Variants in RAPH1 observed in about 807,000 individuals in gnomAD.
The protein encoded by RAPH1 is Ras association (RalGDS/AF-6) and pleckstrin homology domains 1.
In RAPH1, 18 loss-of-function variants were observed where a neutral mutation model predicts 88.1. The observed-to-expected ratio is 0.20, with a 90% CI of 0.14 to 0.30. The LOEUF (loss-of-function observed/expected upper bound fraction) is 0.30, where lower values mean the gene tolerates loss of function less well. Ranked by LOEUF, RAPH1 falls within the 10% of genes least tolerant of loss-of-function variation. The pLI, the probability that RAPH1 is intolerant of heterozygous loss-of-function variation, is 1.00. For missense variants in RAPH1, 1,448 were observed against 1,543.2 expected, an observed-to-expected ratio of 0.94 and a Z score of 1.03; for synonymous variants, 587 against 559.0, an observed-to-expected ratio of 1.05 and a Z score of -0.71.
chr2:203,450,314 A>C (rs910401408), intron 10 of RAPH1, among the ~76,000 whole-genome samples: 1 of 152,134 alleles, frequency 6.6e-6, no homozygotes, highest in Middle Eastern at 3.2e-3. Context: ...ACCAAAACCA[A>C]TTTTCTTGTT....
intron 8 of RAPH1, among the ~76,000 whole-genome samples, chr2:203,456,815 C>A (rs2098519952): frequency 6.6e-6 from 1 of 151,834 alleles, no homozygotes; most frequent in South Asian, 2.1e-4. Flanking sequence ...TTATATTTTT[C>A]CAAAAAATGA....
chr2:203,505,323 G>C (rs1688937025), intron 1 of RAPH1, among the ~76,000 whole-genome samples: 1 of 152,126 alleles, frequency 6.6e-6, no homozygotes, highest in Non-Finnish European at 1.5e-5. Context: ...CATGGCGGTG[G>C]CAAGAGAAAA....
chr2:203,522,853 G>A (rs1267326257), intron 1 of RAPH1, among the ~76,000 whole-genome samples: 1 of 132,748 alleles, frequency 7.5e-6, no homozygotes, highest in Non-Finnish European at 1.5e-5. Flanking sequence ...CTGAGATCAC[G>A]TTACTGCACT....
At chr2:203,442,932 C>T (rs146580669) in intron 13 of RAPH1, 71 of 152,246 alleles carry the variant, frequency 4.7e-4, no homozygotes, top group African/African-American at 1.6e-3. Context: ...TGTAAACCAA[C>T]TTCTTTAGTA....
chr2:203,475,627 A>G (rs1231242703), intron 4 of RAPH1, among the ~76,000 whole-genome samples: 2 of 151,924 alleles, frequency 1.3e-5, no homozygotes, highest in Admixed American at 6.6e-5. Flanking sequence ...CCCTACTTCA[A>G]TTAAGATTAT....
intron 1 of RAPH1, among the ~76,000 whole-genome samples, chr2:203,533,139 C>T (rs149688325): frequency 7.8e-4 from 119 of 152,256 alleles, no homozygotes; most frequent in African/African-American, 2.4e-3. Flanking sequence ...AAAACACACC[C>T]AATAGTGCCC....
chr2:203,455,998 G>C (rs2098519115), intron 8 of RAPH1, among the ~76,000 whole-genome samples: 2 of 152,154 alleles, frequency 1.3e-5, no homozygotes, highest in South Asian at 4.2e-4. Context: ...AACAGAGCGA[G>C]ACTCTGTCTC....
chr2:203,498,697 A>G (rs1688617155), intron 1 of RAPH1, among the ~76,000 whole-genome samples: 1 of 152,230 alleles, frequency 6.6e-6, no homozygotes, highest in Non-Finnish European at 1.5e-5. Flanking sequence ...TTCTGAGAAC[A>G]GAGTGTAACT....
intron 1 of RAPH1, among the ~76,000 whole-genome samples, chr2:203,525,586 T>C (rs931376346): frequency 1.3e-5 from 2 of 151,918 alleles, no homozygotes; most frequent in Non-Finnish European, 2.9e-5. Context: ...CTGGCCAACA[T>C]GGTAAAACCC....
chr2:203,461,097 C>T (rs2098523866), intron 6 of RAPH1, 152 bp downstream of exon 6: 1 of 260,204 alleles, frequency 3.8e-6, no homozygotes, highest in Non-Finnish European at 6.7e-6. Context: ...GTCTAGGTGA[C>T]AGAGCGAGAC....
intron 8 of RAPH1, among the ~76,000 whole-genome samples, chr2:203,457,099 GCTT>G (rs1488978499): frequency 2.0e-5 from 3 of 151,790 alleles, no homozygotes; most frequent in African/African-American, 7.3e-5. Flanking sequence ...GAATACACAG[GCTT>G]CTTTAATTAA....
chr2:203,524,394 C>T (rs1559505549), intron 1 of RAPH1, among the ~76,000 whole-genome samples: 1 of 152,104 alleles, frequency 6.6e-6, no homozygotes. Flanking sequence ...AATACACCTA[C>T]CCTATAACCC....
At chr2:203,469,593 C>G (rs1023610500) in intron 4 of RAPH1, among the ~76,000 whole-genome samples, 2 of 152,210 alleles carry the variant, frequency 1.3e-5, no homozygotes, top group East Asian at 3.9e-4. Context: ...GAAATAAAAA[C>G]ATGACTTAAA....
chr2:203,502,473 A>T (rs1268566381), intron 1 of RAPH1, among the ~76,000 whole-genome samples: 1 of 152,210 alleles, frequency 6.6e-6, no homozygotes, highest in African/African-American at 2.4e-5. Flanking sequence ...CTATTTTAAC[A>T]GTTGGTAGAG....
rs2098496526 is a variant in RAPH1, at chr2:203,434,323, G to C, written c.*5114C>G. On this transcript the variant is annotated 3_prime_UTR_variant, in exon 14 of 14. Coordinates refer to ENST00000319170, the MANE Select transcript of RAPH1 (RefSeq NM_213589.3). Reference sequence around the variant, plus strand: ...ATGGCAAAGCTCCCACAGCCTACAAGTTGGTGTGAGCCTTGACTCTTGTTT... The same window carrying C: ...ATGGCAAAGCTCCCACAGCCTACAACTTGGTGTGAGCCTTGACTCTTGTTT... 1 of 152,546 alleles carries C rather than the reference G, an allele frequency of 6.6e-6. No homozygotes were observed. 9.4% of individuals were successfully genotyped at this position (152,546 alleles called of 1,614,324 possible).
At chr2:203,491,589 T>G (rs1688271048) in intron 2 of RAPH1, among the ~76,000 whole-genome samples, 1 of 152,190 alleles carries the variant, frequency 6.6e-6, no homozygotes. Context: ...GCCACAAGCT[T>G]GGCTCACTGC....
chr2:203,532,304 T>C (rs544502029), intron 1 of RAPH1, among the ~76,000 whole-genome samples: 44 of 152,318 alleles, frequency 2.9e-4, no homozygotes, highest in South Asian at 4.1e-4. Flanking sequence ...CAGTTTGGGA[T>C]GATAAAAAAT....
chr2:203,501,906 G>T (rs771795916), intron 1 of RAPH1, among the ~76,000 whole-genome samples: 7 of 151,758 alleles, frequency 4.6e-5, no homozygotes, highest in Non-Finnish European at 7.4e-5. Flanking sequence ...AGGGCTCCCT[G>T]CAGCCTTGAC....
At chr2:203,456,137 T>C (rs1428404574) in intron 8 of RAPH1, among the ~76,000 whole-genome samples, 2 of 152,244 alleles carry the variant, frequency 1.3e-5, no homozygotes, top group East Asian at 1.9e-4. Context: ...CAGTCATACA[T>C]GTAATACTGA....
Sources: gnomAD v4.1 joint callset for allele counts (sites outside exome capture counted in the v4.1 genomes callset) on GRCh38, gnomAD v4.1.1 for gene constraint, MANE v1.5 for transcripts, NCBI Gene and HGNC (gene_info 2026-07-23, HGNC 2026-07-21) for gene names.